Variants in CLEC16A observed in about 807,000 individuals in gnomAD.
The protein encoded by CLEC16A is C-type lectin domain containing 16A.
A neutral mutation model predicts 109.5 loss-of-function variants in CLEC16A; 51 were observed. The observed-to-expected ratio is 0.47, with a 90% confidence interval of 0.37 to 0.59. The LOEUF is 0.59. Among genes scored for constraint, CLEC16A ranks in the 20% least tolerant of loss-of-function variants. CLEC16A has a pLI of 0.00. For missense variants in CLEC16A, 1,339 were observed against 1,394.0 expected (o/e 0.96, Z 0.63); for synonymous variants, 673 against 564.2 (o/e 1.19, Z -2.73).
At chr16:11,096,335 A>G (rs2050610013) in intron 19 of CLEC16A, among the ~76,000 whole-genome samples, 1 of 152,012 alleles carries the variant, frequency 6.6e-6, no homozygotes. Context: ...ACAGAGTGAG[A>G]CCCTGTCTCA....
At chr16:11,125,177 C>G (rs369806849) in intron 21 of CLEC16A, among the ~76,000 whole-genome samples, 5 of 152,158 alleles carry the variant, frequency 3.3e-5, no homozygotes, top group Non-Finnish European at 7.3e-5. Context: ...CCCACGTTGT[C>G]GTCCCCGTCT....
intron 19 of CLEC16A, among the ~76,000 whole-genome samples, chr16:11,081,458 G>A (rs1246705367): frequency 1.3e-5 from 2 of 152,042 alleles, no homozygotes; most frequent in Admixed American, 6.6e-5. Context: ...TTGCTGTGGC[G>A]CCTCCAGGTA....
intron 1 of CLEC16A, 110 bp downstream of exon 1, chr16:10,944,907 G>C: frequency 9.3e-7 from 1 of 1,075,834 alleles, no homozygotes; most frequent in Non-Finnish European, 1.3e-6. Flanking sequence ...AGGGCGCCCG[G>C]GGAAGCCCGT....
intron 9 of CLEC16A, among the ~76,000 whole-genome samples, chr16:10,979,981 C>A (rs181855351): frequency 1.3e-5 from 2 of 152,278 alleles, no homozygotes; most frequent in East Asian, 1.9e-4. Flanking sequence ...GGAAAAACTC[C>A]ATGGCGACCC....
intron 11 of CLEC16A, among the ~76,000 whole-genome samples, chr16:11,010,474 A>G (rs1182843081): frequency 6.6e-6 from 1 of 152,218 alleles, no homozygotes; most frequent in Non-Finnish European, 1.5e-5. Context: ...AATAGTATAA[A>G]GAACACCTGT....
rs1043494957 is a variant in CLEC16A at position 11,180,753 on chromosome 16, ACTC to A, written c.*2065_*2067del. The stretch of plus-strand genomic sequence containing the variant: ...GACCAGGAGGAACAGCCTGCAGCTC[ACTC>A]CATGCCACACGGGTGGGCCACCAGC... On this transcript the variant is annotated 3_prime_UTR_variant, in exon 24 of 24. Transcript: ENST00000409790. The A allele has an allele frequency of 6.6e-6, 1 of 152,054 alleles. No individual in the cohort carries two copies. Among genetic ancestry groups the A allele is most frequent in the Non-Finnish European group, 1.5e-5 (1 of 68,038 alleles). 9.4% of individuals were successfully genotyped at this position (152,054 alleles called of 1,614,324 possible).
intron 10 of CLEC16A, among the ~76,000 whole-genome samples, chr16:10,997,670 G>A (rs2044410869): frequency 6.6e-6 from 1 of 152,238 alleles, no homozygotes; most frequent in Non-Finnish European, 1.5e-5. Flanking sequence ...AAACAATTGA[G>A]TGATGTAGAC....
chr16:11,107,794 A>G (rs1422673481), intron 19 of CLEC16A, among the ~76,000 whole-genome samples: 5 of 152,214 alleles, frequency 3.3e-5, no homozygotes, highest in African/African-American at 4.8e-5. Flanking sequence ...TGATTTGTTT[A>G]TGCCCCAGAA....
intron 19 of CLEC16A, among the ~76,000 whole-genome samples, chr16:11,103,738 A>T (rs2051057382): frequency 6.6e-6 from 1 of 151,760 alleles, no homozygotes; most frequent in Admixed American, 6.6e-5. Flanking sequence ...CCCATGCTAG[A>T]CAGGAACCCC....
At chr16:11,032,770 C>G (rs767775325) in intron 13 of CLEC16A, among the ~76,000 whole-genome samples, 2 of 152,098 alleles carry the variant, frequency 1.3e-5, no homozygotes, top group African/African-American at 2.4e-5. Flanking sequence ...TGTACAGAGG[C>G]CCCGGGGTGG....
chr16:11,149,099 A>T (rs1006365943), intron 22 of CLEC16A, among the ~76,000 whole-genome samples: 1 of 152,364 alleles, frequency 6.6e-6, no homozygotes, highest in East Asian at 1.9e-4. Flanking sequence ...CAAAGTGGCC[A>T]GTATGTTAGC....
intron 1 of CLEC16A, among the ~76,000 whole-genome samples, chr16:10,955,320 A>G (rs2041934981): frequency 6.6e-6 from 1 of 152,180 alleles, no homozygotes; most frequent in Admixed American, 6.5e-5. Flanking sequence ...TGTGTATCAG[A>G]CATTTGGAGT....
intron 10 of CLEC16A, among the ~76,000 whole-genome samples, chr16:10,987,745 G>A (rs2043761441): frequency 3.3e-5 from 5 of 152,194 alleles, no homozygotes; most frequent in South Asian, 2.1e-4. Flanking sequence ...CCCTATGAGC[G>A]AGAACAGACT....
intron 22 of CLEC16A, among the ~76,000 whole-genome samples, chr16:11,148,556 C>A (rs1199515458): frequency 6.6e-6 from 1 of 152,206 alleles, no homozygotes; most frequent in Admixed American, 6.5e-5. Context: ...GAAATGGAGG[C>A]TCAAGGCTAC....
intron 22 of CLEC16A, chr16:11,136,313 A>C (rs2053558471): frequency 6.6e-6 from 1 of 152,234 alleles, no homozygotes; most frequent in African/African-American, 2.4e-5. Context: ...AGATTCTGTT[A>C]TGTGTACCAC....
chr16:11,012,056 A>G (rs986557258), intron 11 of CLEC16A, among the ~76,000 whole-genome samples: 5 of 152,172 alleles, frequency 3.3e-5, no homozygotes, highest in Admixed American at 1.3e-4. Context: ...TTATCCCCAT[A>G]TAGAGGATAT....
chr16:11,094,552 C>A (rs2050496093), intron 19 of CLEC16A, among the ~76,000 whole-genome samples: 1 of 152,218 alleles, frequency 6.6e-6, no homozygotes, highest in Non-Finnish European at 1.5e-5. Flanking sequence ...ACCTCCCCCC[C>A]TACAACTTTT....
At position 11,126,139 on chromosome 16, in the gene CLEC16A, G is replaced by A; in HGVS notation, c.2634G>A (p.Lys878=). Residue 878 remains lysine (K), a synonymous_variant, in exon 22 of 24, where the codon AAG becomes AAA. Coordinates refer to ENST00000409790, the MANE Select transcript of CLEC16A (RefSeq NM_015226.3). ...GCTCCGTGTTTGCATCGGTGGACAA[G>A]GTGCCAGGTGAGCCAGCCCCCCGCC... ...VQRSVFASVD[K]VPGFAVAQCI... is the part of the protein sequence containing the mutation. 1.2e-6 allele frequency: 2 copies of A among 1,613,742 alleles called. No homozygotes were observed. The highest frequency in any genetic ancestry group is 1.1e-5 in the South Asian group (1 of 91,062).
intron 19 of CLEC16A, among the ~76,000 whole-genome samples, chr16:11,086,415 T>C (rs886864870): frequency 1.3e-5 from 2 of 152,264 alleles, no homozygotes; most frequent in Admixed American, 1.3e-4. Flanking sequence ...GCGATCCATG[T>C]TGTTTTAACA....
Sources: gnomAD v4.1 joint callset for allele counts (sites outside exome capture counted in the v4.1 genomes callset) on GRCh38, gnomAD v4.1.1 for gene constraint, MANE v1.5 for transcripts, NCBI Gene and HGNC (gene_info 2026-07-23, HGNC 2026-07-21) for gene names.